The following KRAS variants were observed in gnomAD, a reference collection of about 807,000 sequenced individuals.
KRAS encodes GTPase KRas.
In KRAS, 1 loss-of-function variant was observed where a neutral mutation model predicts 21.0. The ratio of observed to expected loss-of-function variants is 0.05; its 90% CI spans 0.02 to 0.23. The LOEUF (loss-of-function observed/expected upper bound fraction) is 0.23. KRAS is among the 10% of genes least tolerant of loss of function. KRAS has a pLI of 1.00. For synonymous variants in KRAS, 67 were observed against 72.5 expected (o/e 0.92, Z 0.39); for missense variants, 107 against 221.8 (o/e 0.48, Z 3.29).
intron 2 of KRAS, among the ~76,000 whole-genome samples, chr12:25,237,160 C>G (rs149985811): frequency 6.6e-6 from 1 of 152,072 alleles, no homozygotes; most frequent in Non-Finnish European, 1.5e-5. Context: ...CACGTCTGTA[C>G]GATTCTCTTT....
chr12:25,247,170 A>T (rs1951695244), intron 1 of KRAS, among the ~76,000 whole-genome samples: 1 of 152,204 alleles, frequency 6.6e-6, no homozygotes. Flanking sequence ...GCAGAAAAAA[A>T]TGGGAGTAAA....
intron 4 of KRAS, 59 bp from the exon 5 acceptor site, chr12:25,209,970 T>A: frequency 7.7e-7 from 1 of 1,305,518 alleles, no homozygotes; most frequent in Non-Finnish European, 1.1e-6. Flanking sequence ...TGTGTACAGG[T>A]AACAAATTTC....
chr12:25,221,917 G>A (rs751977898), intron 4 of KRAS, among the ~76,000 whole-genome samples: 104 of 152,228 alleles, frequency 6.8e-4, no homozygotes, highest in Non-Finnish European at 1.1e-3. Context: ...TTGGGAGGCC[G>A]AGGCAGGTGG....
intron 1 of KRAS, among the ~76,000 whole-genome samples, chr12:25,250,460 G>A (rs1301602633): frequency 6.6e-6 from 1 of 152,088 alleles, no homozygotes; most frequent in Non-Finnish European, 1.5e-5. Context: ...GCGGCTCTCG[G>A]GGAGGAGGAA....
In KRAS at chr12:25,205,921, A is replaced by G. The variant is rs1951133128; in HGVS notation, c.*3874T>C. ...TCTCAATGCAGAATTCATGCTATCC[A>G]GTATTAACACAGAAGTTACTAAATA... On this transcript the variant is annotated 3_prime_UTR_variant, in exon 5 of 5. Coordinates refer to ENST00000311936, the MANE Select transcript of KRAS (RefSeq NM_004985.5). 1 of 215,284 alleles carries G rather than the reference A, an allele frequency of 4.6e-6. No homozygotes were observed. The highest frequency in any genetic ancestry group is 5.8e-5 in the Admixed American group (1 of 17,186). 13.3% of individuals were successfully genotyped at this position (215,284 alleles called of 1,614,324 possible).
intron 1 of KRAS, among the ~76,000 whole-genome samples, chr12:25,248,191 G>T (rs1951709942): frequency 6.6e-6 from 1 of 151,902 alleles, no homozygotes; most frequent in African/African-American, 2.4e-5. Flanking sequence ...TGTAGGCCGG[G>T]TGTGGTGGCC....
chr12:25,211,780 A>G (rs1951202487), intron 4 of KRAS, among the ~76,000 whole-genome samples: 1 of 152,224 alleles, frequency 6.6e-6, no homozygotes, highest in African/African-American at 2.4e-5. Flanking sequence ...AGGCTAGTCC[A>G]CATTAAGCAA....
At chr12:25,240,942 T>C (rs1189297305) in intron 2 of KRAS, among the ~76,000 whole-genome samples, 1 of 152,166 alleles carries the variant, frequency 6.6e-6, no homozygotes, top group Non-Finnish European at 1.5e-5. Flanking sequence ...ATGTGCACTT[T>C]CACAATTTGC....
chr12:25,209,351 T>C lies in KRAS; in HGVS notation c.*444A>G. On this transcript the variant is annotated 3_prime_UTR_variant, in exon 5 of 5. Transcript: ENST00000311936. ...TCATCAGGAAGCCCATAAATTTGTG[T>C]TCCCTCAATGTTTCAGTAAAAACCA... The C allele has an allele frequency of 1.6e-6, 1 of 607,866 alleles. No homozygotes were observed. The highest frequency in any genetic ancestry group is 2.5e-5 in the South Asian group (1 of 40,058). 37.7% of individuals were successfully genotyped at this position (607,866 alleles called of 1,614,324 possible). A position where few individuals can be genotyped will look rare whatever the true frequency, so the allele number is the denominator to read the frequency against.
At chr12:25,246,797 G>A (rs887337995) in intron 1 of KRAS, among the ~76,000 whole-genome samples, 13 of 151,642 alleles carry the variant, frequency 8.6e-5, no homozygotes, top group Non-Finnish European at 1.6e-4. Context: ...GGCGCCTGTA[G>A]TCCCAGCTAC....
chr12:25,228,451 A>G (rs1449488747), intron 2 of KRAS, among the ~76,000 whole-genome samples: 5 of 152,156 alleles, frequency 3.3e-5, no homozygotes, highest in African/African-American at 1.2e-4. Context: ...CAACCTGTAT[A>G]TACATGCTAC....
At chr12:25,225,356 T>C in intron 4 of KRAS, 1 of 219,280 alleles carries the variant, frequency 4.6e-6, no homozygotes, top group Non-Finnish European at 9.0e-6. Flanking sequence ...GAAAAAAAAA[T>C]CCCCACCTCT....
intron 2 of KRAS, among the ~76,000 whole-genome samples, chr12:25,232,187 A>G (rs1317903514): frequency 2.0e-5 from 3 of 152,108 alleles, no homozygotes; most frequent in East Asian, 1.9e-4. Context: ...ATCAATGTAG[A>G]CTCTTTCAAA....
chr12:25,206,393 T>A lies in KRAS; in HGVS notation c.*3402A>T, dbSNP rs548101000. On this transcript the variant is annotated 3_prime_UTR_variant, in exon 5 of 5. Transcript: ENST00000311936. ...TAAGTCTATGTAATTTAGCTTTTTT[T>A]AAAAAAACTTCAACAAGGATTTTTG... 8.8e-4 allele frequency: 181 copies of A among 206,364 alleles called. 1 individual carries two copies. The highest frequency in any genetic ancestry group is 3.5e-3 in the African/African-American group (153 of 44,060). The allele number at this position is 206,364 out of a possible 1,614,324, so 12.8% of individuals were successfully genotyped here.
intron 4 of KRAS, among the ~76,000 whole-genome samples, chr12:25,216,806 C>T (rs1160535146): frequency 6.6e-6 from 1 of 152,042 alleles, no homozygotes; most frequent in Non-Finnish European, 1.5e-5. Context: ...AACTGTGCTG[C>T]TAGTTTGTTC....
chr12:25,220,591 G>A (rs1056892672), intron 4 of KRAS, among the ~76,000 whole-genome samples: 6 of 152,076 alleles, frequency 3.9e-5, no homozygotes, highest in Non-Finnish European at 8.8e-5. Context: ...GCTGGGCGTG[G>A]TGGTGTGCAC....
rs74443087 is a variant in KRAS, at chr12:25,236,219, T to A, written c.112-8807A>T. ...ATTAAGTAAGGAGTTTTAAACTTCA[T>A]CCTATACAAAATCACTAAAAGGTTT... On this transcript the variant is annotated intron_variant, in intron 2 of 4. Transcript: ENST00000311936. Among the ~76,000 whole-genome samples, 45 of 152,266 alleles carry A rather than the reference T, an allele frequency of 3.0e-4. No individual in the cohort carries two copies. The East Asian group carries it at 8.5e-3, about 29-fold the overall frequency.
At chr12:25,222,999 T>C (rs1309974192) in intron 4 of KRAS, among the ~76,000 whole-genome samples, 1 of 152,320 alleles carries the variant, frequency 6.6e-6, no homozygotes, top group East Asian at 1.9e-4. Context: ...CCTAGGAGTT[T>C]GTTAGAAATG....
At chr12:25,215,265 T>A in intron 4 of KRAS, 3 of 765,974 alleles carry the variant, frequency 3.9e-6, no homozygotes, top group Non-Finnish European at 4.8e-6. Context: ...TCAATTATAA[T>A]TAATTCCCAC....
Sources: allele counts gnomAD v4.1 joint callset (sites outside exome capture counted in the v4.1 genomes callset), GRCh38; gene constraint gnomAD v4.1.1; transcripts MANE v1.5; gene names NCBI Gene and HGNC (gene_info 2026-07-23, HGNC 2026-07-21).